BOLL: variants seen among roughly 807,000 people sequenced by gnomAD.
The protein encoded by BOLL is boule RNA binding protein.
Under a neutral mutation model 44.4 loss-of-function variants are expected in BOLL, and 23 were observed. The observed-to-expected ratio is 0.52, with a 90% CI of 0.37 to 0.73. The LOEUF (loss-of-function observed/expected upper bound fraction) is 0.73, where lower values mean the gene tolerates loss of function less well. Ranked by LOEUF, BOLL falls within the 30% of genes least tolerant of loss-of-function variation. The probability of loss-of-function intolerance (pLI) is 0.00; values close to 1 mark genes in which losing one functional copy is unlikely to be tolerated. For synonymous variants in BOLL, 97 were observed against 110.8 expected (o/e 0.88, Z 0.78); for missense variants, 287 against 338.3 (o/e 0.85, Z 1.19).
At chr2:197,751,325 G>A (rs1065956) in intron 9 of BOLL, among the ~76,000 whole-genome samples, 75,224 of 150,588 alleles carry the variant, frequency 0.5, 19,281 homozygotes, top group African/African-American at 0.61. Flanking sequence ...ATAGAGACAC[G>A]AAAAACCCTT....
chr2:197,754,918 G>C (rs1688440340), intron 9 of BOLL, among the ~76,000 whole-genome samples: 1 of 152,080 alleles, frequency 6.6e-6, no homozygotes, highest in Admixed American at 6.6e-5. Context: ...TAACTAAAGA[G>C]CTTCTGCTCA....
intron 10 of BOLL, among the ~76,000 whole-genome samples, chr2:197,739,654 A>G (rs148014416): frequency 1.2e-3 from 185 of 152,292 alleles, no homozygotes; most frequent in Non-Finnish European, 2.1e-3. Context: ...TGACTATATT[A>G]AAGAGTAAGA....
Position 197,726,901 on chromosome 2 carries a change from ATAAT to A in BOLL, c.*1650_*1653del, listed in dbSNP as rs1184528296. 5.2e-5 allele frequency: 8 copies of A among 152,656 alleles called. No homozygotes were observed. Among genetic ancestry groups the A allele is most frequent in the African/African-American group, 1.9e-4 (8 of 41,452 alleles). The allele number at this position is 152,656 out of a possible 1,614,324, so 9.5% of individuals were successfully genotyped here. A position where few individuals can be genotyped will look rare whatever the true frequency, so the allele number is the denominator to read the frequency against. ...ATCAAAATTCCTTATCCAATAATAC[ATAAT>A]TAATTTTTATTAACAGTCCAGGATT... On this transcript the variant is annotated 3_prime_UTR_variant, in exon 11 of 11. Transcript: ENST00000392296.
chr2:197,785,455 C>T (rs1690033312), upstream of BOLL: 3 of 898,044 alleles, frequency 3.3e-6, no homozygotes, highest in Non-Finnish European at 2.7e-6. This position sits in a 1 kb window ranked among gnomAD's most constrained non-coding sequence, Gnocchi z 6.7. Flanking sequence ...CCCTGACTGG[C>T]TTGGGTGCAC....
In BOLL at chr2:197,728,151, TA is replaced by T. The variant is rs2106301099; in HGVS notation, c.*403del. On this transcript the variant is annotated 3_prime_UTR_variant, in exon 11 of 11. Transcript: ENST00000392296. Reference sequence around the variant, plus strand: ...TTATAATTAAAAATGATTCTTATCCTAAATATGAAAATAAATATCAAATAAT... The same window carrying T: ...TTATAATTAAAAATGATTCTTATCCTAATATGAAAATAAATATCAAATAAT... 3.9e-6 allele frequency: 1 copy of T among 258,644 alleles called. No homozygotes were observed. The highest frequency in any genetic ancestry group is 7.2e-5 in the East Asian group (1 of 13,928). 16.0% of individuals were successfully genotyped at this position (258,644 alleles called of 1,614,324 possible). A position where few individuals can be genotyped will look rare whatever the true frequency, so the allele number is the denominator to read the frequency against.
chr2:197,784,587 C>T (rs1343614314), intron 1 of BOLL: 3 of 359,560 alleles, frequency 8.3e-6, no homozygotes, highest in East Asian at 1.7e-4. Context: ...CGCACCACCA[C>T]GCCCAGCTAA....
intron 7 of BOLL, among the ~76,000 whole-genome samples, chr2:197,762,170 C>T (rs1034108282): frequency 6.6e-6 from 1 of 152,004 alleles, no homozygotes; most frequent in Non-Finnish European, 1.5e-5. Flanking sequence ...ATGGTGAAAC[C>T]CCGTCTCTAC....
chr2:197,772,037 TGTA>T lies in BOLL; in HGVS notation c.353-58_353-56del, dbSNP rs1359829721. The T allele has an allele frequency of 2.0e-5, 29 of 1,429,850 alleles. No homozygotes were observed. The African/African-American group carries it at 3.6e-4, about 18-fold the overall frequency. The allele number at this position is 1,429,850 out of a possible 1,614,324, so 88.6% of individuals were successfully genotyped here. ...AAATGTTCAATTTAACTGTTAAAAATGTAGTTTCTAAACACTTCAGAAAAATAT... is the reference window on the plus strand; with the variant it reads ...AAATGTTCAATTTAACTGTTAAAAATGTTTCTAAACACTTCAGAAAAATAT... On this transcript the variant is annotated intron_variant, in intron 5 of 10. Transcript: ENST00000392296.
chr2:197,728,300 G>T lies in BOLL; in HGVS notation c.*255C>A, dbSNP rs1168587772. ...AATGGATAAAACATGTTGTAGAAAA[G>T]GTCATTACAGTTAGGTTAGCACATA... On this transcript the variant is annotated 3_prime_UTR_variant, in exon 11 of 11. Transcript: ENST00000392296. The T allele has an allele frequency of 4.8e-5, 26 of 544,424 alleles. No individual in the cohort carries two copies. In the Admixed American group the frequency reaches 8.9e-4, roughly 19 times the overall value. 33.7% of individuals were successfully genotyped at this position (544,424 alleles called of 1,614,324 possible).
intron 9 of BOLL, among the ~76,000 whole-genome samples, chr2:197,750,601 C>G (rs1356165230): frequency 1.3e-5 from 2 of 152,154 alleles, no homozygotes; most frequent in African/African-American, 4.8e-5. Flanking sequence ...AGCTAACTAT[C>G]CTAAATATAT....
chr2:197,771,214 GGAAA>G (rs1689237057), intron 6 of BOLL, among the ~76,000 whole-genome samples: 2 of 151,964 alleles, frequency 1.3e-5, no homozygotes, highest in African/African-American at 4.8e-5. Flanking sequence ...GGATGAAGCT[GGAAA>G]CCATCATTCT....
intron 10 of BOLL, among the ~76,000 whole-genome samples, chr2:197,737,381 C>G (rs1687542446): frequency 6.6e-6 from 1 of 151,978 alleles, no homozygotes; most frequent in Non-Finnish European, 1.5e-5. Context: ...AAAAAGGAGT[C>G]TTGGTAGACA....
chr2:197,744,432 G>A lies in BOLL; in HGVS notation c.730-1273C>T, dbSNP rs560569419. Among the ~76,000 whole-genome samples, 68 of 152,316 alleles carry A rather than the reference G, an allele frequency of 4.5e-4. 2 individuals are homozygous for A. The South Asian group carries it at 9.9e-3, about 22-fold the overall frequency. ...CCAAGGGTAGGAAGAGTTTTAGGGA[G>A]TAGGTACAATGTCTCTGAGAGGTCA... On this transcript the variant is annotated intron_variant, in intron 9 of 10. Transcript: ENST00000392296.
chr2:197,743,018 G>GA, intron 10 of BOLL, 43 bp downstream of exon 10: 2 of 1,438,142 alleles, frequency 1.4e-6, no homozygotes, highest in Non-Finnish European at 1.9e-6. Flanking sequence ...CTTGAAATAT[G>GA]ATGGAAGAAA....
chr2:197,742,987 C>T (rs1257296043), intron 10 of BOLL, 74 bp downstream of exon 10: 11 of 1,209,948 alleles, frequency 9.1e-6, no homozygotes, highest in Admixed American at 8.5e-5. Flanking sequence ...TTGTTCCTTT[C>T]TAGAAGAGAA....
intron 6 of BOLL, 35 bp downstream of exon 6, chr2:197,771,820 T>TA (rs757358131): frequency 2.0e-6 from 3 of 1,504,278 alleles, no homozygotes; most frequent in Non-Finnish European, 2.7e-6. Context: ...TTGATAGTAA[T>TA]AGATGGAAAT....
intron 9 of BOLL, 31 bp downstream of exon 9, chr2:197,756,395 TTA>T (rs765617588): frequency 5.3e-6 from 8 of 1,522,460 alleles, no homozygotes. Flanking sequence ...CATGAGGTAG[TTA>T]TAGATCAATT....
In BOLL at chr2:197,731,870, A is replaced by C. The variant is rs1216710694; in HGVS notation, c.829-3292T>G. On this transcript the variant is annotated intron_variant, in intron 10 of 10. Coordinates refer to ENST00000392296, the MANE Select transcript of BOLL (RefSeq NM_033030.6). ...GCCCACAAGAGAAAGCAGGAAAGAT[A>C]CAAAATTGACACCCTAACCTCACAA... 3.2e-3 allele frequency among the ~76,000 whole-genome samples: 477 copies of C among 150,870 alleles called. 2 individuals carry two copies. Among genetic ancestry groups the C allele is most frequent in the East Asian group, 0.021 (105 of 5,070 alleles).
At chr2:197,785,426 C>G, upstream of BOLL, 2 of 972,022 alleles carry the variant, frequency 2.1e-6, no homozygotes, top group East Asian at 1.1e-4. The surrounding 1 kb of genome is among the most constrained non-coding windows in gnomAD (Gnocchi z 6.7). Flanking sequence ...GGCAGTCCTC[C>G]TTCACTTCCC....
Sources: gnomAD v4.1 joint callset for allele counts (sites outside exome capture counted in the v4.1 genomes callset) on GRCh38, gnomAD v4.1.1 for gene constraint, Gnocchi (gnomAD v3.1) non-coding constraint, MANE v1.5 for transcripts, NCBI Gene and HGNC (gene_info 2026-07-23, HGNC 2026-07-21) for gene names.